The following TNIK variants were observed in gnomAD, a reference collection of about 807,000 sequenced individuals.
TNIK encodes TRAF2 and NCK-interacting protein kinase.
In TNIK, 49 loss-of-function variants were observed where a neutral mutation model predicts 191.3. The ratio of observed to expected loss-of-function variants is 0.26; its 90% CI spans 0.20 to 0.32. The LOEUF is 0.32. Among genes scored for constraint, TNIK ranks in the 10% least tolerant of loss-of-function variants. The pLI, the probability that TNIK is intolerant of heterozygous loss-of-function variation, is 1.00. For missense variants in TNIK, 1,155 were observed against 1,702.3 expected (o/e 0.68, Z 5.66); for synonymous variants, 594 against 600.9 (o/e 0.99, Z 0.17).
chr3:171,171,105 A>G (rs551123726), intron 9 of TNIK, among the ~76,000 whole-genome samples: 1 of 152,298 alleles, frequency 6.6e-6, no homozygotes, highest in South Asian at 2.1e-4. Context: ...AGAGTTCTTT[A>G]AGGGAATTAT....
intron 2 of TNIK, among the ~76,000 whole-genome samples, chr3:171,271,978 A>C (rs766393527): frequency 2.0e-5 from 3 of 152,222 alleles, no homozygotes; most frequent in Non-Finnish European, 2.9e-5. Context: ...GGCACCCAAA[A>C]CATTTGTTAA....
chr3:171,104,341 A>C (rs188446683), intron 21 of TNIK, among the ~76,000 whole-genome samples: 35 of 152,248 alleles, frequency 2.3e-4, no homozygotes, highest in African/African-American at 8.2e-4. Flanking sequence ...ATTCTTTGAC[A>C]ATACAAATTT....
chr3:171,359,266 C>T (rs934702780), intron 2 of TNIK, among the ~76,000 whole-genome samples: 1 of 152,140 alleles, frequency 6.6e-6, no homozygotes, highest in Admixed American at 6.6e-5. Context: ...AGTATCAACT[C>T]GAAGATGTTA....
At chr3:171,385,903 G>A (rs909098080) in intron 1 of TNIK, among the ~76,000 whole-genome samples, 1 of 152,156 alleles carries the variant, frequency 6.6e-6, no homozygotes, top group African/African-American at 2.4e-5. Flanking sequence ...ACATGCATGC[G>A]ATAAAGAATA....
At chr3:171,392,791 A>AG (rs1252658313) in intron 1 of TNIK, among the ~76,000 whole-genome samples, 13 of 151,264 alleles carry the variant, frequency 8.6e-5, no homozygotes, top group African/African-American at 2.9e-4. Context: ...AAAAAAAAAA[A>AG]AAAAGAAAAG....
intron 1 of TNIK, among the ~76,000 whole-genome samples, chr3:171,424,583 C>T (rs1724279624): frequency 6.6e-6 from 1 of 152,024 alleles, no homozygotes; most frequent in Non-Finnish European, 1.5e-5. Context: ...GGAATGAACC[C>T]AAATGTCCAA....
intron 1 of TNIK, among the ~76,000 whole-genome samples, chr3:171,409,026 T>A (rs1722067686): frequency 6.6e-6 from 1 of 152,092 alleles, no homozygotes; most frequent in Non-Finnish European, 1.5e-5. Context: ...GGGACACTAA[T>A]ATAAAAGTGT....
In TNIK at chr3:171,218,528, T is replaced by G. The variant is rs113536923; in HGVS notation, c.181-7287A>C. On this transcript the variant is annotated intron_variant, in intron 3 of 32. Coordinates refer to ENST00000436636, the MANE Select transcript of TNIK (RefSeq NM_015028.4). The stretch of plus-strand genomic sequence containing the variant: ...AACAGCCCACAGGAATTGGAATGAG[T>G]TTTTTTTTTTTTTTCTGATAGTATA... Among the ~76,000 whole-genome samples the G allele has an allele frequency of 5.7e-3, 781 of 136,322 alleles. 5 individuals carry two copies. The highest frequency in any genetic ancestry group is 0.014 in the Admixed American group (188 of 13,742). The allele number at this position is 136,322 out of a possible 152,430, so 89.4% of individuals were successfully genotyped here. A position where few individuals can be genotyped will look rare whatever the true frequency, so the allele number is the denominator to read the frequency against.
chr3:171,239,694 C>A (rs1744717220), intron 2 of TNIK, among the ~76,000 whole-genome samples: 1 of 152,210 alleles, frequency 6.6e-6, no homozygotes, highest in African/African-American at 2.4e-5. Context: ...CTGCATATTA[C>A]AAAAAGGACA....
intron 22 of TNIK, 83 bp from the exon 23 acceptor site, chr3:171,094,051 G>A: frequency 6.7e-7 from 1 of 1,483,554 alleles, no homozygotes; most frequent in East Asian, 2.4e-5. Context: ...TTTTTGTTAT[G>A]GTAAAATATA....
chr3:171,101,788 T>A, intron 21 of TNIK, 155 bp from the exon 22 acceptor site: 2 of 702,792 alleles, frequency 2.8e-6, no homozygotes, highest in Admixed American at 3.2e-5. Context: ...AAGAAAATGA[T>A]GTTTGTAGCG....
chr3:171,369,441 A>C (rs1716186201), intron 2 of TNIK, among the ~76,000 whole-genome samples, 179 bp downstream of exon 2: 1 of 152,198 alleles, frequency 6.6e-6, no homozygotes, highest in African/African-American at 2.4e-5. Flanking sequence ...AAATCACAGA[A>C]TCCAGTTTAA....
chr3:171,256,058 T>C (rs1746822329), intron 2 of TNIK, among the ~76,000 whole-genome samples: 1 of 151,990 alleles, frequency 6.6e-6, no homozygotes, highest in African/African-American at 2.4e-5. Context: ...TTTACTACTT[T>C]GCCACACAGA....
intron 2 of TNIK, among the ~76,000 whole-genome samples, chr3:171,307,274 A>T (rs1325637171): frequency 6.6e-6 from 1 of 152,184 alleles, no homozygotes; most frequent in African/African-American, 2.4e-5. Flanking sequence ...GCTGAAAGTC[A>T]TGCCAGGCTC....
At chr3:171,451,294 G>T (rs1255354679) in intron 1 of TNIK, among the ~76,000 whole-genome samples, 1 of 152,298 alleles carries the variant, frequency 6.6e-6, no homozygotes, top group South Asian at 2.1e-4. Flanking sequence ...CCACCTACGT[G>T]GGGAGGAACT....
chr3:171,084,584 T>C (rs1427160359), intron 25 of TNIK, among the ~76,000 whole-genome samples: 2 of 152,206 alleles, frequency 1.3e-5, no homozygotes, highest in Admixed American at 6.5e-5. Flanking sequence ...CCAAATTAAA[T>C]ACACCATCCC....
At chr3:171,148,289 C>A (rs78558426) in intron 12 of TNIK, among the ~76,000 whole-genome samples, 2,505 of 152,318 alleles carry the variant, frequency 0.016, 57 homozygotes, top group African/African-American at 0.05. Flanking sequence ...CAGTTCTAAA[C>A]AGACTGAGCT....
At chr3:171,314,771 C>T (rs2108312402) in intron 2 of TNIK, among the ~76,000 whole-genome samples, 1 of 152,102 alleles carries the variant, frequency 6.6e-6, no homozygotes, top group East Asian at 1.9e-4. Flanking sequence ...TTGAGGGGAT[C>T]ATTTATAGAG....
chr3:171,080,617 T>C (rs1720550421), intron 27 of TNIK, among the ~76,000 whole-genome samples: 1 of 152,094 alleles, frequency 6.6e-6, no homozygotes, highest in Non-Finnish European at 1.5e-5. Flanking sequence ...TTTTATATTT[T>C]TAGTAGAGAT....
Sources: allele counts gnomAD v4.1 joint callset (sites outside exome capture counted in the v4.1 genomes callset), GRCh38; gene constraint gnomAD v4.1.1; transcripts MANE v1.5; gene names NCBI Gene and HGNC (gene_info 2026-07-23, HGNC 2026-07-21).